Variants in EPHA10 observed in about 807,000 individuals in gnomAD.
The protein encoded by EPHA10 is ephrin type-A receptor 10.
EPHA10 carries 120 observed loss-of-function variants against 109.7 expected under a neutral mutation model. The ratio of observed to expected loss-of-function variants is 1.09; its 90% CI spans 0.94 to 1.27. The LOEUF is 1.27. EPHA10 is among the 50% of genes most tolerant of loss of function. The pLI is 0.00. For missense variants in EPHA10, 1,396 were observed against 1,411.1 expected, an observed-to-expected ratio of 0.99 and a Z score of 0.17; for synonymous variants, 640 against 618.9, an observed-to-expected ratio of 1.03 and a Z score of -0.51.
intron 7 of EPHA10, among the ~76,000 whole-genome samples, chr1:37,729,624 T>G (rs1645948530): frequency 6.6e-6 from 1 of 151,830 alleles, no homozygotes; most frequent in Non-Finnish European, 1.5e-5. Flanking sequence ...CTCAAACCTG[T>G]GATCCCAGCA....
chr1:37,727,338 G>C (rs1645910984), intron 7 of EPHA10, 128 bp from the exon 8 acceptor site: 1 of 671,952 alleles, frequency 1.5e-6, no homozygotes, highest in Admixed American at 3.8e-5. Flanking sequence ...CTGCCTCCCA[G>C]CCACAGAGGC....
intron 14 of EPHA10, 120 bp from the exon 15 acceptor site, chr1:37,719,727 CACAG>C: frequency 1.0e-5 from 14 of 1,399,546 alleles, no homozygotes; most frequent in South Asian, 1.3e-5. Flanking sequence ...CACACACAGA[CACAG>C]ACACACACAC....
intron 5 of EPHA10, among the ~76,000 whole-genome samples, chr1:37,740,025 T>C (rs999260524): frequency 1.3e-5 from 2 of 151,804 alleles, no homozygotes; most frequent in African/African-American, 4.8e-5. Flanking sequence ...GACCAGAAGG[T>C]CAAGGCTGCC....
Position 37,761,871 on chromosome 1 carries a change from G to A in EPHA10, c.384C>T (p.Val128=). ...GGTCGGCCTCAGTTTCCAGGTAGTA[G>A]ACGTTGAAGGTCTCCTTGCAGGTAC... ...AAGTCKETFN[V]YYLETEADLG... The change falls in exon 3 of 17, where the codon GTC becomes GTT. Residue 128 remains valine, a synonymous_variant. Transcript: ENST00000373048. The A allele has an allele frequency of 6.2e-7, 1 of 1,611,780 alleles. No homozygotes were observed. Among genetic ancestry groups the A allele is most frequent in the Non-Finnish European group, 8.5e-7 (1 of 1,178,300 alleles).
intron 5 of EPHA10, among the ~76,000 whole-genome samples, chr1:37,752,610 G>C (rs943724179): frequency 1.3e-5 from 2 of 151,924 alleles, no homozygotes; most frequent in African/African-American, 4.9e-5. Context: ...TCCCGCAGAC[G>C]CAACAGAACC....
intron 3 of EPHA10, among the ~76,000 whole-genome samples, chr1:37,759,232 T>C (rs1225888645): frequency 6.6e-6 from 1 of 152,172 alleles, no homozygotes; most frequent in African/African-American, 2.4e-5. Context: ...AAGCTCTTTA[T>C]CCCAACATTC....
intron 5 of EPHA10, chr1:37,737,884 G>C (rs1194132656): frequency 1.5e-5 from 2 of 134,916 alleles, no homozygotes; most frequent in Non-Finnish European, 3.1e-5. Context: ...TATCCAGAAT[G>C]TATAAAGAAT....
chr1:37,714,790 G>A (rs1410660705), downstream of EPHA10: 2 of 152,186 alleles, frequency 1.3e-5, no homozygotes, highest in Non-Finnish European at 2.9e-5. Context: ...CGGGGAGAGA[G>A]GCCCAGAGCA....
chr1:37,734,651 T>C (rs148862361), intron 6 of EPHA10: 382 of 455,988 alleles, frequency 8.4e-4, no homozygotes, highest in Non-Finnish European at 1.3e-3. Flanking sequence ...AGATTGACAA[T>C]GGATACAAGA....
chr1:37,723,555 T>C (rs1288393971), intron 8 of EPHA10, among the ~76,000 whole-genome samples, 183 bp from the exon 9 acceptor site: 1 of 152,184 alleles, frequency 6.6e-6, no homozygotes, highest in Non-Finnish European at 1.5e-5. Context: ...ATGGCACAGA[T>C]ACAACCGTAG....
chr1:37,733,606 C>T (rs1289770494), intron 6 of EPHA10, among the ~76,000 whole-genome samples: 1 of 152,114 alleles, frequency 6.6e-6, no homozygotes, highest in Non-Finnish European at 1.5e-5. Context: ...ATACCCTGAT[C>T]CTCAAAGTCC....
intron 6 of EPHA10, among the ~76,000 whole-genome samples, chr1:37,732,860 G>GTTTTTTT (rs1557541356): frequency 7.8e-5 from 2 of 25,792 alleles, no homozygotes; most frequent in African/African-American, 3.0e-4. Flanking sequence ...TTTTATACTT[G>GTTTTTTT]TTCTTTTTTT....
Position 37,716,539 on chromosome 1 carries a change from A to AGGAGACAG in EPHA10, c.*1825_*1832dup, listed in dbSNP as rs1557524540. The AGGAGACAG allele has an allele frequency of 4.4e-6, 1 of 228,920 alleles. No individual in the cohort carries two copies. The highest frequency in any genetic ancestry group is 8.6e-6 in the Non-Finnish European group (1 of 116,616). 14.2% of individuals were successfully genotyped at this position (228,920 alleles called of 1,614,324 possible). ...AGTCACTGAGCTGGGGCAGGTGCTC[A>AGGAGACAG]GGAGACAGGGAGGCAGGGGGCTGGG... On this transcript the variant is annotated 3_prime_UTR_variant, in exon 17 of 17. Coordinates refer to ENST00000373048, the MANE Select transcript of EPHA10 (RefSeq NM_001099439.2).
intron 5 of EPHA10, among the ~76,000 whole-genome samples, chr1:37,744,430 G>A (rs1646200792): frequency 6.6e-6 from 1 of 151,816 alleles, no homozygotes; most frequent in Non-Finnish European, 1.5e-5. Context: ...TGAGGCAGGA[G>A]AACCATTTGA....
At chr1:37,762,719 C>T (rs1646443876) in intron 2 of EPHA10, 66 bp downstream of exon 2, 2 of 1,417,096 alleles carry the variant, frequency 1.4e-6, no homozygotes, top group African/African-American at 2.9e-5. Flanking sequence ...ACATGAGGAG[C>T]TGAGGAGACT....
Position 37,735,240 on chromosome 1 carries a change from C to A in EPHA10, c.1491+17G>T. On this transcript the variant is annotated intron_variant, in intron 6 of 16. Coordinates refer to ENST00000373048, the MANE Select transcript of EPHA10 (RefSeq NM_001099439.2). ...GGTGCGGGGCAGGCTCCAGGTCCCT[C>A]CCAGACACGCACTCACCTTCTCGTA... The A allele has an allele frequency of 6.4e-7, 1 of 1,563,542 alleles. No individual in the cohort carries two copies.
intron 6 of EPHA10, chr1:37,734,568 TA>T (rs1646038774): frequency 2.2e-6 from 1 of 451,396 alleles, no homozygotes. Flanking sequence ...ATAATAAAGG[TA>T]ATAAACTTAC....
chr1:37,723,420 T>A (rs1645835526), intron 8 of EPHA10, 48 bp from the exon 9 acceptor site: 4 of 1,603,266 alleles, frequency 2.5e-6, no homozygotes, highest in Non-Finnish European at 3.4e-6. Context: ...ACCCCGGCCC[T>A]TCCCATTACA....
chr1:37,720,702 A>G (rs973313335), intron 12 of EPHA10, 81 bp downstream of exon 12: 103 of 1,573,888 alleles, frequency 6.5e-5, no homozygotes, highest in Non-Finnish European at 2.6e-5. Context: ...GCCAATTCCA[A>G]GCCCTACCAA....
Sources: allele counts gnomAD v4.1 joint callset (sites outside exome capture counted in the v4.1 genomes callset), GRCh38; gene constraint gnomAD v4.1.1; transcripts MANE v1.5; gene names NCBI Gene and HGNC (gene_info 2026-07-23, HGNC 2026-07-21).